CALN1: variants seen among roughly 807,000 people sequenced by gnomAD.
CALN1 encodes the protein calneuron 1, also known as calcium-binding protein 8.
A neutral mutation model predicts 30.6 loss-of-function variants in CALN1; 17 were observed. The ratio of observed to expected loss-of-function variants is 0.56; its 90% CI spans 0.38 to 0.83. The LOEUF (loss-of-function observed/expected upper bound fraction) is 0.83, where lower values mean the gene tolerates loss of function less well. CALN1 is among the 40% of genes least tolerant of loss of function. CALN1 has a pLI of 0.00. For missense variants in CALN1, 291 were observed against 354.9 expected (o/e 0.82, Z 1.45); for synonymous variants, 156 against 131.4 (o/e 1.19, Z -1.28).
intron 2 of CALN1, among the ~76,000 whole-genome samples, chr7:72,298,161 T>G (rs1402207710): frequency 6.6e-6 from 1 of 152,246 alleles, no homozygotes; most frequent in African/African-American, 2.4e-5. Flanking sequence ...TACCTGTGTA[T>G]GGCCAACAAC....
At chr7:72,379,826 G>T (rs1804782758) in intron 2 of CALN1, among the ~76,000 whole-genome samples, 1 of 152,150 alleles carries the variant, frequency 6.6e-6, no homozygotes, top group South Asian at 2.1e-4. Context: ...CTGATGTTAG[G>T]ACTTAAAGCC....
At chr7:72,096,779 T>TA (rs1235635481) in intron 4 of CALN1, among the ~76,000 whole-genome samples, 1 of 152,116 alleles carries the variant, frequency 6.6e-6, no homozygotes, top group African/African-American at 2.4e-5. Flanking sequence ...GAACCAGAAA[T>TA]ACCATTTGAC....
rs1480968066 is a variant in CALN1 at position 72,148,086 on chromosome 7, TATA to T, written c.245-41795_245-41793del. ...TGCACACGTACCCTAGAACTTAAAG[TATA>T]ATAAAAAAAAATAAAAAAAAAAAAC... is the stretch of plus-strand genomic sequence containing the variant. On this transcript the variant is annotated intron_variant, in intron 3 of 6. Coordinates refer to ENST00000395275, the MANE Select transcript of CALN1 (RefSeq NM_031468.4). Among the ~76,000 whole-genome samples, 9 of 106,992 alleles carry T rather than the reference TATA, an allele frequency of 8.4e-5. No individual in the cohort carries two copies. In the South Asian group the frequency reaches 3.0e-3, roughly 36 times the overall value. The allele number at this position is 106,992 out of a possible 152,430, so 70.2% of individuals were successfully genotyped here.
At chr7:72,151,345 T>C (rs931489654) in intron 3 of CALN1, among the ~76,000 whole-genome samples, 1 of 152,140 alleles carries the variant, frequency 6.6e-6, no homozygotes, top group Admixed American at 6.6e-5. Context: ...GTTCTTCCTG[T>C]GTGTGTCTCT....
At chr7:72,433,473 G>T (rs1057450105) in intron 1 of CALN1, among the ~76,000 whole-genome samples, 3 of 152,172 alleles carry the variant, frequency 2.0e-5, no homozygotes, top group Non-Finnish European at 4.4e-5. Flanking sequence ...TGCCAAGGCT[G>T]GGAGCCCTCC....
intron 2 of CALN1, among the ~76,000 whole-genome samples, chr7:72,333,912 G>A (rs527606588): frequency 6.6e-6 from 1 of 152,250 alleles, no homozygotes; most frequent in Non-Finnish European, 1.5e-5. Flanking sequence ...CCCACTCTGT[G>A]TCTGACTCTA....
chr7:72,469,475 C>A, the CALN1 span, among the ~76,000 whole-genome samples: 2 of 152,188 alleles, frequency 1.3e-5, no homozygotes, highest in Admixed American at 1.3e-4. Context: ...CGGCTCACTG[C>A]AACCTCCACC....
At chr7:72,190,181 C>A (rs1050825709) in intron 3 of CALN1, among the ~76,000 whole-genome samples, 4 of 152,240 alleles carry the variant, frequency 2.6e-5, no homozygotes, top group South Asian at 2.1e-4. Context: ...CATGGCAAAA[C>A]CCCGTCTCTA....
intron 3 of CALN1, among the ~76,000 whole-genome samples, chr7:72,136,844 A>G (rs1486775805): frequency 6.6e-6 from 1 of 152,218 alleles, no homozygotes; most frequent in East Asian, 1.9e-4. Flanking sequence ...TGGTTGGTGG[A>G]GCAGTCAGAA....
At chr7:72,308,622 GT>G (rs1454905300) in intron 2 of CALN1, among the ~76,000 whole-genome samples, 1 of 152,092 alleles carries the variant, frequency 6.6e-6, no homozygotes, top group Non-Finnish European at 1.5e-5. Context: ...AAAATGATGA[GT>G]CCCCCAGAGC....
intron 5 of CALN1, among the ~76,000 whole-genome samples, chr7:71,985,483 TA>T (rs1170727967): frequency 1.3e-5 from 2 of 151,158 alleles, no homozygotes; most frequent in Non-Finnish European, 2.9e-5. Context: ...ATCTCTACTT[TA>T]AAAACAAAGA....
chr7:71,978,259 A>ATTTTTTTTTTTT (rs1584662365), intron 5 of CALN1, among the ~76,000 whole-genome samples: 1 of 115,614 alleles, frequency 8.6e-6, no homozygotes, highest in African/African-American at 3.8e-5. Flanking sequence ...ACTCTAGAGA[A>ATTTTTTTTTTTT]TTCTTTTTTT....
At chr7:72,099,360 C>A (rs1806481240) in intron 4 of CALN1, among the ~76,000 whole-genome samples, 1 of 150,570 alleles carries the variant, frequency 6.6e-6, no homozygotes, top group Admixed American at 6.6e-5. Flanking sequence ...CACTGCCATT[C>A]CACATGTTCC....
chr7:72,471,521 C>A, the CALN1 span, among the ~76,000 whole-genome samples: 10 of 152,230 alleles, frequency 6.6e-5, no homozygotes, highest in Non-Finnish European at 1.0e-4. Context: ...TGTCTCTGCA[C>A]CACCCTCACC....
intron 3 of CALN1, among the ~76,000 whole-genome samples, chr7:72,155,211 C>G (rs1195938790): frequency 6.6e-6 from 1 of 152,148 alleles, no homozygotes; most frequent in African/African-American, 2.4e-5. Context: ...TCACCAGAAA[C>G]CAATCTTGCC....
chr7:72,371,218 ACATTT>A (rs1804224579), intron 2 of CALN1, among the ~76,000 whole-genome samples: 1 of 152,170 alleles, frequency 6.6e-6, no homozygotes, highest in Non-Finnish European at 1.5e-5. Flanking sequence ...ATCATGCTTT[ACATTT>A]AAGTCTGTGA....
intron 3 of CALN1, among the ~76,000 whole-genome samples, chr7:72,234,012 T>TAAAC (rs1370996948): frequency 1.3e-5 from 2 of 151,346 alleles, no homozygotes; most frequent in African/African-American, 2.4e-5. Flanking sequence ...TCAAAATAAA[T>TAAAC]AAATAAACAA....
rs972639832 is a variant in CALN1, at chr7:71,798,995, C to T, written c.659-11093G>A. ...TTGACTCCGGGTATGAATGTGTCAA[C>T]AGCAAGGCTCCCACCCCCTGCATTT... On this transcript the variant is annotated intron_variant, in intron 6 of 6. Coordinates refer to ENST00000395275, the MANE Select transcript of CALN1 (RefSeq NM_031468.4). Among the ~76,000 whole-genome samples, 11 of 152,194 alleles carry T rather than the reference C, an allele frequency of 7.2e-5. No individual in the cohort carries two copies. The East Asian group carries it at 1.5e-3, about 21-fold the overall frequency.
chr7:72,368,751 G>C (rs1804031974), intron 2 of CALN1, among the ~76,000 whole-genome samples: 1 of 148,904 alleles, frequency 6.7e-6, no homozygotes, highest in Non-Finnish European at 1.5e-5. Flanking sequence ...ATAAGCCAAA[G>C]CCAAAGTCCT....
Sources: gnomAD v4.1 joint callset for allele counts (sites outside exome capture counted in the v4.1 genomes callset) on GRCh38, gnomAD v4.1.1 for gene constraint, MANE v1.5 for transcripts, NCBI Gene and HGNC (gene_info 2026-07-23, HGNC 2026-07-21) for gene names.